The following MYO1E variants were observed in gnomAD, a reference collection of about 807,000 sequenced individuals.
MYO1E encodes the protein myosin IE, also known as unconventional myosin-Ie.
In MYO1E, 68 loss-of-function variants were observed where a neutral mutation model predicts 151.1. The ratio of observed to expected loss-of-function variants is 0.45; its 90% confidence interval spans 0.37 to 0.55. The LOEUF (loss-of-function observed/expected upper bound fraction) is 0.55, where lower values mean the gene tolerates loss of function less well. MYO1E is among the 20% of genes least tolerant of loss of function. The pLI, the probability that MYO1E is intolerant of heterozygous loss-of-function variation, is 0.00. For synonymous variants in MYO1E, 601 were observed against 501.7 expected, an observed-to-expected ratio of 1.20 and a Z score of -2.64; for missense variants, 1,363 against 1,389.3, an observed-to-expected ratio of 0.98 and a Z score of 0.30.
intron 1 of MYO1E, among the ~76,000 whole-genome samples, chr15:59,334,983 C>A (rs766373590): frequency 6.6e-6 from 1 of 152,184 alleles, no homozygotes. Flanking sequence ...AACACATCCA[C>A]CAACTCCTCC....
chr15:59,319,473 C>T (rs2080610875), intron 1 of MYO1E, among the ~76,000 whole-genome samples: 1 of 145,638 alleles, frequency 6.9e-6, no homozygotes, highest in African/African-American at 2.5e-5. Flanking sequence ...AATAAGCAGG[C>T]TTGGAAGTTT....
At chr15:59,168,262 T>G (rs993980665) in intron 22 of MYO1E, among the ~76,000 whole-genome samples, 3 of 152,100 alleles carry the variant, frequency 2.0e-5, no homozygotes, top group African/African-American at 7.2e-5. Context: ...AGTAGGATAG[T>G]AGGGCCAGGT....
intron 1 of MYO1E, among the ~76,000 whole-genome samples, chr15:59,334,154 G>A (rs954341382): frequency 2.6e-5 from 4 of 152,230 alleles, no homozygotes; most frequent in Admixed American, 1.3e-4. Context: ...GGTGGCACAC[G>A]CCTGTAGTTC....
chr15:59,242,932 T>C (rs965475568), intron 4 of MYO1E, among the ~76,000 whole-genome samples: 2 of 152,016 alleles, frequency 1.3e-5, no homozygotes, highest in African/African-American at 4.8e-5. Flanking sequence ...GCAAAAAACA[T>C]GGCAAACACA....
At chr15:59,227,694 A>G in intron 6 of MYO1E, 104 bp from the exon 7 acceptor site, 2 of 1,442,766 alleles carry the variant, frequency 1.4e-6, no homozygotes, top group South Asian at 2.3e-5. Context: ...CATTAATAAA[A>G]TACACATTCT....
intron 9 of MYO1E, chr15:59,218,337 T>C (rs1441588997): frequency 1.4e-5 from 9 of 622,384 alleles, no homozygotes; most frequent in Non-Finnish European, 2.7e-5. Flanking sequence ...CTTCCAATAA[T>C]ACAAATCAGG....
At chr15:59,166,026 T>C (rs1462044984) in intron 22 of MYO1E, among the ~76,000 whole-genome samples, 1 of 152,208 alleles carries the variant, frequency 6.6e-6, no homozygotes, top group Non-Finnish European at 1.5e-5. Flanking sequence ...TTAGATTTAT[T>C]AGGAGTTTCA....
chr15:59,193,279 G>A (rs1032949096), intron 17 of MYO1E, among the ~76,000 whole-genome samples: 1 of 152,220 alleles, frequency 6.6e-6, no homozygotes, highest in Non-Finnish European at 1.5e-5. Context: ...CAATGTAAGA[G>A]AGCAAAACAA....
At chr15:59,249,893 G>C (rs1003258911) in intron 4 of MYO1E, among the ~76,000 whole-genome samples, 1 of 152,150 alleles carries the variant, frequency 6.6e-6, no homozygotes, top group African/African-American at 2.4e-5. Context: ...TTTCCACCCA[G>C]AACAGGATTT....
intron 26 of MYO1E, among the ~76,000 whole-genome samples, chr15:59,147,909 G>A (rs2079451747): frequency 6.6e-6 from 1 of 152,126 alleles, no homozygotes; most frequent in Non-Finnish European, 1.5e-5. Context: ...GACCTTCATG[G>A]AGTCCACAGC....
At chr15:59,207,029 C>G (rs3809529) in intron 14 of MYO1E, 1 of 1,613,844 alleles carries the variant, frequency 6.2e-7, no homozygotes, top group Non-Finnish European at 8.5e-7. Flanking sequence ...GCCCTGTGTC[C>G]GCGTCAAGCA....
intron 13 of MYO1E, 151 bp downstream of exon 13, chr15:59,210,363 T>G (rs541558865): frequency 1.5e-6 from 1 of 672,090 alleles, no homozygotes; most frequent in East Asian, 2.7e-5. Context: ...ACTGTTCTCT[T>G]TTCACACATA....
intron 1 of MYO1E, among the ~76,000 whole-genome samples, chr15:59,349,075 G>T (rs145277230): frequency 2.0e-5 from 3 of 152,128 alleles, no homozygotes; most frequent in Non-Finnish European, 4.4e-5. Context: ...GGGGGTCCAG[G>T]GGAGGGAATT....
intron 4 of MYO1E, among the ~76,000 whole-genome samples, chr15:59,243,263 T>C (rs2080110868): frequency 6.6e-6 from 1 of 152,314 alleles, no homozygotes; most frequent in South Asian, 2.1e-4. Context: ...TATTAAAACA[T>C]AGTCTAGACG....
At chr15:59,271,955 G>T (rs1326211010) in intron 2 of MYO1E, among the ~76,000 whole-genome samples, 3 of 152,188 alleles carry the variant, frequency 2.0e-5, no homozygotes, top group Admixed American at 1.3e-4. Flanking sequence ...GAAATGCCAG[G>T]AGAATAACCG....
chr15:59,184,078 G>A (rs927710668), intron 18 of MYO1E, among the ~76,000 whole-genome samples: 1 of 152,100 alleles, frequency 6.6e-6, no homozygotes, highest in Non-Finnish European at 1.5e-5. Flanking sequence ...GCGTAATCTC[G>A]GCTCACTGCA....
intron 7 of MYO1E, among the ~76,000 whole-genome samples, chr15:59,225,678 A>G (rs1471089997): frequency 3.0e-5 from 4 of 135,152 alleles, no homozygotes; most frequent in Middle Eastern, 4.2e-3. Flanking sequence ...ACGGAGTCTC[A>G]CTCTGTCGCC....
At chr15:59,265,792 TAA>T (rs59957325) in intron 2 of MYO1E, among the ~76,000 whole-genome samples, 3,271 of 106,174 alleles carry the variant, frequency 0.031, 120 homozygotes, top group African/African-American at 0.093. Flanking sequence ...CCCATCTCCT[TAA>T]AAAAAAAAAA....
chr15:59,197,242 C>T lies in MYO1E; in HGVS notation c.1699-1675G>A, dbSNP rs533346163. On this transcript the variant is annotated intron_variant, in intron 16 of 27. Coordinates refer to ENST00000288235, the MANE Select transcript of MYO1E (RefSeq NM_004998.4). ...TCCTGACCTCAGGTGATCCACCCGC[C>T]TCAGCCTCTCAAAGTGCTGGGATTA... 1.6e-4 allele frequency among the ~76,000 whole-genome samples: 24 copies of T among 152,316 alleles called. No homozygotes were observed. The South Asian group carries it at 4.8e-3, about 30-fold the overall frequency.
Sources: allele counts gnomAD v4.1 joint callset (sites outside exome capture counted in the v4.1 genomes callset), GRCh38; gene constraint gnomAD v4.1.1; transcripts MANE v1.5; gene names NCBI Gene and HGNC (gene_info 2026-07-23, HGNC 2026-07-21).